Variants in FAM24B observed in about 807,000 individuals in gnomAD.
FAM24B encodes the protein family with sequence similarity 24 member B, also known as protein FAM24B.
In FAM24B, 3 loss-of-function variants were observed where a neutral mutation model predicts 2.3. The observed-to-expected ratio is 1.29, with a 90% CI of 0.59 to 3.32. The LOEUF (loss-of-function observed/expected upper bound fraction) is 3.32, where lower values mean the gene tolerates loss of function less well. FAM24B is among the 30% of genes most tolerant of loss of function. The probability of loss-of-function intolerance (pLI) is 0.03; values close to 1 mark genes in which losing one functional copy is unlikely to be tolerated. For missense variants in FAM24B, 98 were observed against 117.2 expected (o/e 0.84, Z 0.76); for synonymous variants, 36 against 46.3 (o/e 0.78, Z 0.90).
At chr10:122,850,749 G>A (rs1847520281) in intron 2 of FAM24B, 199 bp from the exon 3 acceptor site, 1 of 467,406 alleles carries the variant, frequency 2.1e-6, no homozygotes, top group Non-Finnish European at 3.9e-6. Context: ...AAAAAAGTCA[G>A]TTTGTCAATG....
chr10:122,873,684 C>G (rs530387506), intron 1 of FAM24B, among the ~76,000 whole-genome samples: 1 of 152,302 alleles, frequency 6.6e-6, no homozygotes, highest in Admixed American at 6.5e-5. Flanking sequence ...ATATATTGCT[C>G]TTCTTTCTCT....
At chr10:122,852,160 G>A (rs1262996277) in intron 2 of FAM24B, among the ~76,000 whole-genome samples, 1 of 152,152 alleles carries the variant, frequency 6.6e-6, no homozygotes, top group African/African-American at 2.4e-5. Context: ...GTAAAAAGCT[G>A]AATAAAGTGG....
intron 1 of FAM24B, among the ~76,000 whole-genome samples, chr10:122,860,745 T>C (rs1847715696): frequency 6.6e-6 from 1 of 152,268 alleles, no homozygotes; most frequent in South Asian, 2.1e-4. Flanking sequence ...GGTATCTGGC[T>C]GTTATTATTT....
chr10:122,870,926 C>T lies in FAM24B; in HGVS notation c.-178+8559G>A, dbSNP rs865903885. Among the ~76,000 whole-genome samples the T allele has an allele frequency of 7.5e-3, 1,134 of 152,092 alleles. 6 individuals carry two copies. Among genetic ancestry groups the T allele is most frequent in the South Asian group, 0.015 (72 of 4,810 alleles). On this transcript the variant is annotated intron_variant, in intron 1 of 3. Coordinates refer to ENST00000368898, the MANE Select transcript of FAM24B (RefSeq NM_152644.3). ...CTCCTATTCAACATAGTGTTGGAAG[C>T]TTTGGCCAGGGCAATCAGGCAGAAG...
At chr10:122,869,339 A>T (rs1458973698) in intron 1 of FAM24B, among the ~76,000 whole-genome samples, 1 of 152,200 alleles carries the variant, frequency 6.6e-6, no homozygotes, top group Non-Finnish European at 1.5e-5. Context: ...ATAATGGGAG[A>T]CTTTAACACC....
At chr10:122,861,526 T>C (rs1439645106) in intron 1 of FAM24B, among the ~76,000 whole-genome samples, 2 of 152,216 alleles carry the variant, frequency 1.3e-5, no homozygotes, top group African/African-American at 2.4e-5. Context: ...GTAGATCAAA[T>C]TGGGGAGAAT....
intron 1 of FAM24B, among the ~76,000 whole-genome samples, chr10:122,868,101 C>G (rs180794049): frequency 8.5e-5 from 13 of 152,136 alleles, no homozygotes; most frequent in African/African-American, 3.1e-4. Flanking sequence ...CCTTAAAGGA[C>G]CTGATGGAGA....
At chr10:122,870,043 A>C (rs1289234978) in intron 1 of FAM24B, among the ~76,000 whole-genome samples, 1 of 152,178 alleles carries the variant, frequency 6.6e-6, no homozygotes, top group African/African-American at 2.4e-5. Flanking sequence ...CGCTAGTAAG[A>C]CTAATAAAGA....
At chr10:122,849,662 G>A (rs895746371) in intron 3 of FAM24B, among the ~76,000 whole-genome samples, 2 of 152,036 alleles carry the variant, frequency 1.3e-5, no homozygotes, top group Non-Finnish European at 2.9e-5. Context: ...AAGAGTGAGT[G>A]ATTTTGCAAG....
chr10:122,878,069 C>T (rs1848006590), intron 1 of FAM24B, among the ~76,000 whole-genome samples: 2 of 152,138 alleles, frequency 1.3e-5, no homozygotes, highest in Admixed American at 1.3e-4. Context: ...AGAGAAATTA[C>T]TGACAAATTC....
chr10:122,854,447 C>T (rs141649276), intron 2 of FAM24B, among the ~76,000 whole-genome samples: 1 of 152,266 alleles, frequency 6.6e-6, no homozygotes, highest in Non-Finnish European at 1.5e-5. Flanking sequence ...AATGCTCTTC[C>T]ACCCCCAGCC....
In FAM24B at chr10:122,853,346, C is replaced by T. The variant is rs111532960; in HGVS notation, c.-36+2299G>A. Among the ~76,000 whole-genome samples the T allele has an allele frequency of 6.8e-3, 1,033 of 152,226 alleles. 11 individuals carry two copies. Among genetic ancestry groups the T allele is most frequent in the African/African-American group, 0.017 (717 of 41,526 alleles). ...CGCATGTGTTATCCAGCCCATATCT[C>T]AACATAACATCTTTCCAGCCTCATC... On this transcript the variant is annotated intron_variant, in intron 2 of 3. Transcript: ENST00000368898.
At chr10:122,875,751 A>T (rs931105307) in intron 1 of FAM24B, among the ~76,000 whole-genome samples, 2 of 31,656 alleles carry the variant, frequency 6.3e-5, no homozygotes, top group African/African-American at 1.0e-4. Flanking sequence ...CTCCTAATTA[A>T]AAAAAAAAAC....
chr10:122,849,711 C>A (rs2133822752), intron 3 of FAM24B, among the ~76,000 whole-genome samples: 1 of 152,116 alleles, frequency 6.6e-6, no homozygotes, highest in Non-Finnish European at 1.5e-5. Context: ...CCCCGAGATG[C>A]AGGAATGATG....
At chr10:122,866,547 T>A (rs1847806925) in intron 1 of FAM24B, among the ~76,000 whole-genome samples, 1 of 152,114 alleles carries the variant, frequency 6.6e-6, no homozygotes, top group Non-Finnish European at 1.5e-5. Flanking sequence ...TCCAACAGCA[T>A]GTGCTTACTT....
intron 1 of FAM24B, among the ~76,000 whole-genome samples, chr10:122,876,741 T>C (rs1319135533): frequency 1.3e-5 from 2 of 152,244 alleles, no homozygotes; most frequent in Non-Finnish European, 2.9e-5. Context: ...TGATGGATAT[T>C]TTAAAGGCTG....
chr10:122,866,005 C>T (rs545181199), intron 1 of FAM24B, among the ~76,000 whole-genome samples: 8 of 151,578 alleles, frequency 5.3e-5, no homozygotes, highest in Middle Eastern at 3.4e-3. Flanking sequence ...CGGGTTCAAG[C>T]GATTCTCCTG....
chr10:122,851,656 A>C (rs1847539386), intron 2 of FAM24B, among the ~76,000 whole-genome samples: 1 of 152,236 alleles, frequency 6.6e-6, no homozygotes, highest in Non-Finnish European at 1.5e-5. Flanking sequence ...TAAGAGTCTG[A>C]TTCCCAGAGA....
chr10:122,870,225 G>A (rs970635325), intron 1 of FAM24B, among the ~76,000 whole-genome samples: 2 of 152,224 alleles, frequency 1.3e-5, no homozygotes, highest in African/African-American at 4.8e-5. Context: ...ACTCTCCCAA[G>A]ACTAAACCAG....
Sources: allele counts gnomAD v4.1 joint callset (sites outside exome capture counted in the v4.1 genomes callset), GRCh38; gene constraint gnomAD v4.1.1; transcripts MANE v1.5; gene names NCBI Gene and HGNC (gene_info 2026-07-23, HGNC 2026-07-21).